Variants in SLIT1 observed in about 807,000 individuals in gnomAD.
The protein encoded by SLIT1 is slit homolog 1 protein.
SLIT1 carries 66 observed loss-of-function variants against 186.1 expected under a neutral mutation model. The observed-to-expected ratio is 0.35, with a 90% CI of 0.29 to 0.44. The LOEUF (loss-of-function observed/expected upper bound fraction) is 0.44, where lower values mean the gene tolerates loss of function less well. Ranked by LOEUF, SLIT1 falls within the 20% of genes least tolerant of loss-of-function variation. The pLI is 1.00. For missense variants in SLIT1, 1,638 were observed against 2,037.4 expected (o/e 0.80, Z 3.77); for synonymous variants, 761 against 833.8 (o/e 0.91, Z 1.50).
At chr10:97,054,957 T>A (rs1034558796) in intron 13 of SLIT1, among the ~76,000 whole-genome samples, 19 of 152,180 alleles carry the variant, frequency 1.2e-4, no homozygotes, top group African/African-American at 4.6e-4. Context: ...GTGGCTAACA[T>A]CTGTAATCCC....
At chr10:97,163,506 A>G in intron 2 of SLIT1, 55 bp from the exon 3 acceptor site, 1 of 1,524,674 alleles carries the variant, frequency 6.6e-7, no homozygotes, top group Non-Finnish European at 9.1e-7. Flanking sequence ...GGGCTGCTAG[A>G]AACAGCTGGC....
At chr10:97,162,338 G>A (rs887697065) in intron 3 of SLIT1, among the ~76,000 whole-genome samples, 6 of 152,090 alleles carry the variant, frequency 3.9e-5, no homozygotes, top group East Asian at 3.8e-4. Context: ...GGCCAGGCAC[G>A]GTGGCTCACG....
chr10:97,164,823 C>A lies in SLIT1; in HGVS notation c.265G>T (p.Val89Leu), dbSNP rs369993322. The change falls in exon 2 of 37, where the codon GTG becomes TTG. Residue 89 changes from valine to leucine, a missense_variant. Coordinates refer to ENST00000266058, the MANE Select transcript of SLIT1 (RefSeq NM_003061.3). Reference sequence around the variant, plus strand: ...GAGGGAGCACCCCATACTCACAGCACCCGCAGCTGCTTGAGCCCCGCAAAG... The same window carrying A: ...GAGGGAGCACCCCATACTCACAGCAACCGCAGCTGCTTGAGCCCCGCAAAG... ...NDFAGLKQLR[V>L]LQLMENQIGA... 1.2e-6 allele frequency: 2 copies of A among 1,612,690 alleles called. No individual in the cohort carries two copies. The highest frequency in any genetic ancestry group is 1.7e-5 in the Admixed American group (1 of 60,016).
intron 4 of SLIT1, chr10:97,154,221 C>T (rs972966110): frequency 1.3e-5 from 2 of 152,194 alleles, no homozygotes; most frequent in African/African-American, 4.8e-5. Flanking sequence ...GTGAAGAACC[C>T]GGTAAGCCCA....
chr10:97,182,445 CCA>C (rs1033966198), intron 1 of SLIT1, among the ~76,000 whole-genome samples: 1 of 152,214 alleles, frequency 6.6e-6, no homozygotes, highest in African/African-American at 2.4e-5. Flanking sequence ...AGAGCATTTG[CCA>C]CAGTTATTTT....
intron 31 of SLIT1, among the ~76,000 whole-genome samples, chr10:97,008,611 G>A (rs1848382116): frequency 1.3e-5 from 2 of 151,584 alleles, no homozygotes; most frequent in Non-Finnish European, 2.9e-5. Context: ...CAGGAGAATT[G>A]CTTGAACCCG....
intron 21 of SLIT1, among the ~76,000 whole-genome samples, chr10:97,039,002 T>C (rs11595411): frequency 0.044 from 6,639 of 152,252 alleles, 198 homozygotes; most frequent in Middle Eastern, 0.15. Context: ...CAAGGACTCA[T>C]GAGGTTTGTA....
In SLIT1 at chr10:97,184,540, AAAC is replaced by A. The variant is rs1355064070; in HGVS notation, c.197+935_197+937del. On this transcript the variant is annotated intron_variant, in intron 1 of 36. Coordinates refer to ENST00000266058, the MANE Select transcript of SLIT1 (RefSeq NM_003061.3). This position sits in a 1 kb window ranked among gnomAD's most constrained non-coding sequence, Gnocchi z 4.4. Reference sequence around the variant, plus strand: ...ACACATTCTGCAGGAGAGTCACAGAAAACAAAGTATAAAGGTCTGTAAATACAC... The same window carrying A: ...ACACATTCTGCAGGAGAGTCACAGAAAAAGTATAAAGGTCTGTAAATACAC... Among the ~76,000 whole-genome samples the A allele has an allele frequency of 4.6e-5, 7 of 152,084 alleles. No individual in the cohort carries two copies. The highest frequency in any genetic ancestry group is 2.6e-4 in the Admixed American group (4 of 15,278).
chr10:97,140,061 T>G (rs1413574203), intron 4 of SLIT1, among the ~76,000 whole-genome samples: 1 of 152,176 alleles, frequency 6.6e-6, no homozygotes, highest in Admixed American at 6.5e-5. Flanking sequence ...AACCCCAGCA[T>G]GGCTTTTCCT....
rs1438586353 is a variant in SLIT1, at chr10:96,998,945, G to A, written c.*2167C>T. ...GCCAGCCAGTGCCCTTCAAGCCTGG[G>A]AATTGGCTTCTCCAGGGTGGTGGGG... On this transcript the variant is annotated 3_prime_UTR_variant, in exon 37 of 37. Transcript: ENST00000266058. The A allele has an allele frequency of 6.6e-6, 1 of 152,408 alleles. No homozygotes were observed. The highest frequency in any genetic ancestry group is 1.5e-5 in the Non-Finnish European group (1 of 68,196). 9.4% of individuals were successfully genotyped at this position (152,408 alleles called of 1,614,324 possible).
intron 4 of SLIT1, among the ~76,000 whole-genome samples, chr10:97,089,760 G>C (rs1281480179): frequency 6.6e-6 from 1 of 152,102 alleles, no homozygotes; most frequent in Non-Finnish European, 1.5e-5. Context: ...GGGGTTCACC[G>C]GGGAGGATGG....
At chr10:97,106,417 A>AATGAATGAATGAATGAAGCC (rs1554851576) in intron 4 of SLIT1, among the ~76,000 whole-genome samples, 72 of 152,280 alleles carry the variant, frequency 4.7e-4, no homozygotes, top group African/African-American at 1.6e-3. Flanking sequence ...CGAATGAATG[A>AATGAATGAATGAATGAAGCC]ATGAATGAAT....
chr10:97,103,377 C>T (rs1849380175), intron 4 of SLIT1: 2 of 152,178 alleles, frequency 1.3e-5, no homozygotes, highest in South Asian at 2.1e-4. Context: ...GCTGAAAACC[C>T]CCAACACTCT....
rs941655844 is a variant in SLIT1 at position 97,002,853 on chromosome 10, C to A, written c.4005G>T (p.Val1335=). 1.9e-6 allele frequency: 3 copies of A among 1,614,066 alleles called. No individual in the cohort carries two copies. In the Admixed American group the frequency reaches 5.0e-5, roughly 27 times the overall value. Residue 1335 remains valine, a synonymous_variant, in exon 35 of 37, where the codon GTG becomes GTT. Coordinates refer to ENST00000266058, the MANE Select transcript of SLIT1 (RefSeq NM_003061.3). ...TGCGGCAGGGTTCGCAGCCTGGCAC[C>A]ACGCCTGGCTTCATCTGCGTCTTGG... ...DFTKTQMKPG[V]VPGCEPCRKL...
chr10:97,185,707 A>G lies in SLIT1; in HGVS notation c.-33T>C. ...TCACAGCGTCCCGCTCGCGAGCCAG[A>G]CGGCAGCAGCCGCTGACCATCCCCG... On this transcript the variant is annotated 5_prime_UTR_variant, in exon 1 of 37. Transcript: ENST00000266058. 6.9e-7 allele frequency: 1 copy of G among 1,458,594 alleles called. No individual in the cohort carries two copies. The highest frequency in any genetic ancestry group is 9.0e-7 in the Non-Finnish European group (1 of 1,113,140). The allele number at this position is 1,458,594 out of a possible 1,614,324, so 90.4% of individuals were successfully genotyped here.
intron 4 of SLIT1, among the ~76,000 whole-genome samples, chr10:97,141,725 TTGTAC>T (rs1306923624): frequency 4.0e-4 from 51 of 128,228 alleles, no homozygotes; most frequent in South Asian, 2.8e-3. Flanking sequence ...CTGTATTGTA[TTGTAC>T]TGTATTGTAT....
intron 13 of SLIT1, among the ~76,000 whole-genome samples, chr10:97,051,667 G>T (rs1198290977): frequency 6.6e-6 from 1 of 152,118 alleles, no homozygotes; most frequent in Non-Finnish European, 1.5e-5. Flanking sequence ...AAAAGAATTA[G>T]CCGGGCATGG....
At chr10:97,041,600 T>C (rs1322643935) in intron 20 of SLIT1, among the ~76,000 whole-genome samples, 1 of 151,962 alleles carries the variant, frequency 6.6e-6, no homozygotes, top group Non-Finnish European at 1.5e-5. Flanking sequence ...GCCTCCCAAG[T>C]AGCTGGGACT....
intron 22 of SLIT1, among the ~76,000 whole-genome samples, chr10:97,037,156 G>A (rs1848648053): frequency 6.6e-6 from 1 of 151,494 alleles, no homozygotes; most frequent in Admixed American, 6.6e-5. Context: ...GTGCAATGGT[G>A]CGATCTTGGC....
Sources: allele counts gnomAD v4.1 joint callset (sites outside exome capture counted in the v4.1 genomes callset), GRCh38; gene constraint gnomAD v4.1.1; non-coding constraint Gnocchi (gnomAD v3.1); transcripts MANE v1.5; gene names NCBI Gene and HGNC (gene_info 2026-07-23, HGNC 2026-07-21).